The following DENND2A variants were observed in gnomAD, a reference collection of about 807,000 sequenced individuals.
DENND2A encodes the protein DENN domain containing 2A.
In DENND2A, 53 loss-of-function variants were observed where a neutral mutation model predicts 105.3. That is an observed-to-expected ratio of 0.50 (90% confidence interval 0.40 to 0.63). DENND2A has a LOEUF of 0.63. Among genes scored for constraint, DENND2A ranks in the 30% least tolerant of loss-of-function variants. DENND2A has a pLI of 0.00. For missense variants in DENND2A, 1,138 were observed against 1,279.6 expected, an observed-to-expected ratio of 0.89 and a Z score of 1.69; for synonymous variants, 522 against 508.4, an observed-to-expected ratio of 1.03 and a Z score of -0.36.
In DENND2A at chr7:140,585,690, G is replaced by T. The variant is rs751166833; in HGVS notation, c.1144C>A (p.Pro382Thr). 7 of 1,614,166 alleles carry T rather than the reference G, an allele frequency of 4.3e-6. No homozygotes were observed. Among genetic ancestry groups the T allele is most frequent in the Non-Finnish European group, 5.9e-6 (7 of 1,180,036 alleles). ...DILDPPMKEN[P>T]YEDIELHGRC... ...CCATGTAACTCGATGTCCTCATAAG[G>T]GTTCTCCTTCATTGGCGGATCTGTG... The change falls in exon 5 of 20, where the codon CCT (proline) becomes ACT (threonine). Residue 382 changes from proline to threonine, a missense_variant. By Grantham distance (38) the Pro-to-Thr change is conservative. Around this residue, in one of 2 missense-constraint regions of DENND2A, gnomAD observed 511 missense variants for 499.9 expected, o/e 1.02. Coordinates refer to ENST00000496613, the MANE Select transcript of DENND2A (RefSeq NM_015689.5).
At position 140,534,081 on chromosome 7, in the gene DENND2A, A is replaced by ATTTTTTTTTTTTTTTTTT. The variant is rs3042407; in HGVS notation, c.2328-6604_2328-6587dup. 2.9e-4 allele frequency among the ~76,000 whole-genome samples: 23 copies of ATTTTTTTTTTTTTTTTTT among 80,100 alleles called. 2 individuals are homozygous for ATTTTTTTTTTTTTTTTTT. The highest frequency in any genetic ancestry group is 3.1e-4 in the East Asian group (1 of 3,236). 52.5% of individuals were successfully genotyped at this position (80,100 alleles called of 152,430 possible). On this transcript the variant is annotated intron_variant, in intron 14 of 19. Coordinates refer to ENST00000496613, the MANE Select transcript of DENND2A (RefSeq NM_015689.5). The stretch of plus-strand genomic sequence containing the variant: ...GGCACGTGCCACCAATGCCTGGTTA[A>ATTTTTTTTTTTTTTTTTT]TTTTTTTTTTTTTTTTTTTTTGAGA...
chr7:140,638,779 A>T (rs1335543292), intron 1 of DENND2A, among the ~76,000 whole-genome samples: 3 of 152,182 alleles, frequency 2.0e-5, no homozygotes, highest in African/African-American at 7.2e-5. Flanking sequence ...GGCGGTTTTC[A>T]GGGCTTAGCC....
At position 140,559,754 on chromosome 7, in the gene DENND2A, A is replaced by G. The variant is rs1357324299; in HGVS notation, c.1843T>C (p.Cys615Arg). The G allele has an allele frequency of 1.2e-6, 2 of 1,614,218 alleles. No individual in the cohort carries two copies. The highest frequency in any genetic ancestry group is 1.7e-6 in the Non-Finnish European group (2 of 1,180,034). Residue 615 changes from cysteine to arginine, a missense_variant, in exon 10 of 20, where the codon TGT becomes CGT. Coordinates refer to ENST00000496613, the MANE Select transcript of DENND2A (RefSeq NM_015689.5). This position sits in a 1 kb window ranked among gnomAD's most constrained non-coding sequence, Gnocchi z 4.1. ...EDQLKAIPQF[C>R]FPDAKDWVPV... ...ACCCAATCCTTGGCATCGGGAAAAC[A>G]GAACTGGGGAATGGCCTTCAGTTGG... is the stretch of plus-strand genomic sequence containing the variant.
At chr7:140,606,426 A>T (rs534227713) in intron 1 of DENND2A, among the ~76,000 whole-genome samples, 2 of 152,178 alleles carry the variant, frequency 1.3e-5, no homozygotes, top group South Asian at 4.1e-4. Context: ...TAACAACGAG[A>T]CCCAGTGCTT....
At chr7:140,621,640 A>G (rs998202435) in intron 1 of DENND2A, among the ~76,000 whole-genome samples, 2 of 152,166 alleles carry the variant, frequency 1.3e-5, no homozygotes, top group African/African-American at 4.8e-5. Flanking sequence ...TGCAACTAAT[A>G]TTTGTGCCTG....
chr7:140,588,931 C>G (rs909783718), intron 3 of DENND2A, among the ~76,000 whole-genome samples: 1 of 151,800 alleles, frequency 6.6e-6, no homozygotes, highest in Non-Finnish European at 1.5e-5. Context: ...TTAGTAGAGA[C>G]AAGGTTTCAC....
intron 9 of DENND2A, among the ~76,000 whole-genome samples, chr7:140,566,875 T>A (rs950182827): frequency 6.6e-6 from 1 of 151,788 alleles, no homozygotes; most frequent in African/African-American, 2.4e-5. Context: ...TGGCCAAACT[T>A]TTTAAGTCCC....
intron 1 of DENND2A, among the ~76,000 whole-genome samples, chr7:140,633,063 C>A (rs1330209894): frequency 1.4e-5 from 2 of 144,808 alleles, no homozygotes. Flanking sequence ...GAGTCTTGCG[C>A]TGCCGCCCAG....
intron 1 of DENND2A, among the ~76,000 whole-genome samples, chr7:140,624,470 C>T (rs1403511243): frequency 6.6e-6 from 1 of 152,222 alleles, no homozygotes; most frequent in Non-Finnish European, 1.5e-5. Flanking sequence ...GCCAGGGCTG[C>T]AGGTGACAAC....
In DENND2A at chr7:140,533,237, C is replaced by T. The variant is rs192650914; in HGVS notation, c.2328-5742G>A. Among the ~76,000 whole-genome samples the T allele has an allele frequency of 1.2e-3, 190 of 152,234 alleles. 1 individual carries two copies. The highest frequency in any genetic ancestry group is 2.1e-3 in the Non-Finnish European group (146 of 68,010). On this transcript the variant is annotated intron_variant, in intron 14 of 19. Coordinates refer to ENST00000496613, the MANE Select transcript of DENND2A (RefSeq NM_015689.5). ...CGATTTCTTGACCTCATGATCCACC[C>T]GATTCAGCCTCCCAAAGTGCTGGGA...
Position 140,523,514 on chromosome 7 carries a change from G to T in DENND2A, c.2548-90C>A. ...CTGGAGCCACTGCAGGGCAGGCCTG[G>T]CTCAGTCTCCAGTTTCATGGAAGGA... is the stretch of plus-strand genomic sequence containing the variant. On this transcript the variant is annotated intron_variant, in intron 16 of 19. Transcript: ENST00000496613. This position sits in a 1 kb window ranked among gnomAD's most constrained non-coding sequence, Gnocchi z 4.5. 1 of 1,094,632 alleles carries T rather than the reference G, an allele frequency of 9.1e-7. No homozygotes were observed. The highest frequency in any genetic ancestry group is 1.4e-6 in the Non-Finnish European group (1 of 727,908). The allele number at this position is 1,094,632 out of a possible 1,614,324, so 67.8% of individuals were successfully genotyped here.
At chr7:140,599,942 G>A (rs1799423029) in intron 3 of DENND2A, among the ~76,000 whole-genome samples, 5 of 152,038 alleles carry the variant, frequency 3.3e-5, no homozygotes. Context: ...TTCTACGGAT[G>A]GGAAGTGAAT....
intron 14 of DENND2A, among the ~76,000 whole-genome samples, chr7:140,536,800 T>C (rs952355504): frequency 2.0e-5 from 3 of 152,088 alleles, no homozygotes; most frequent in Admixed American, 1.3e-4. Flanking sequence ...GTAGCTGGGA[T>C]TACAGGCGCC....
At chr7:140,520,944 G>A (rs1210003207) in intron 18 of DENND2A, among the ~76,000 whole-genome samples, 18 of 148,820 alleles carry the variant, frequency 1.2e-4, no homozygotes, top group African/African-American at 4.0e-4. Flanking sequence ...GTGCAATCTC[G>A]GCTCACTGCA....
chr7:140,529,168 A>C (rs1265271949), intron 14 of DENND2A, among the ~76,000 whole-genome samples: 1 of 152,132 alleles, frequency 6.6e-6, no homozygotes, highest in Admixed American at 6.6e-5. Flanking sequence ...TCTTCAAGAA[A>C]AATGGTCAGG....
At chr7:140,598,727 T>G (rs987229534) in intron 3 of DENND2A, among the ~76,000 whole-genome samples, 3 of 152,052 alleles carry the variant, frequency 2.0e-5, no homozygotes, top group Non-Finnish European at 4.4e-5. Context: ...TAGAAATAAA[T>G]GTAGCAAATA....
At chr7:140,601,333 G>A (rs1279993990) in intron 3 of DENND2A, 70 bp downstream of exon 3, 4 of 1,508,070 alleles carry the variant, frequency 2.7e-6, no homozygotes, top group African/African-American at 1.4e-5. Flanking sequence ...GAGAACAGAC[G>A]GTTATGATGG....
At chr7:140,620,039 C>CAA (rs111793348) in intron 1 of DENND2A, among the ~76,000 whole-genome samples, 1 of 150,588 alleles carries the variant, frequency 6.6e-6, no homozygotes, top group African/African-American at 2.4e-5. Flanking sequence ...CTAAAAATAC[C>CAA]AAAAAAATTA....
intron 2 of DENND2A, among the ~76,000 whole-genome samples, chr7:140,602,801 C>T (rs6464879): frequency 0.02 from 3,071 of 151,284 alleles, 100 homozygotes; most frequent in African/African-American, 0.07. Context: ...AACAAGACCC[C>T]CATCTCTACA....
Sources: allele counts gnomAD v4.1 joint callset (sites outside exome capture counted in the v4.1 genomes callset), GRCh38; gene constraint gnomAD v4.1.1; regional missense constraint gnomAD v4.1.1; non-coding constraint Gnocchi (gnomAD v3.1); transcripts MANE v1.5; gene names NCBI Gene and HGNC (gene_info 2026-07-23, HGNC 2026-07-21).